CA5A: variants seen among roughly 807,000 people sequenced by gnomAD.
CA5A encodes carbonic anhydrase 5A.
Under a neutral mutation model 37.1 loss-of-function variants are expected in CA5A, and 28 were observed. The observed-to-expected ratio is 0.75, with a 90% CI of 0.56 to 1.03. The LOEUF (loss-of-function observed/expected upper bound fraction) is 1.03, where lower values mean the gene tolerates loss of function less well. CA5A is among the 50% of genes least tolerant of loss of function. The probability of loss-of-function intolerance (pLI) is 0.00; values close to 1 mark genes in which losing one functional copy is unlikely to be tolerated. For synonymous variants in CA5A, 171 were observed against 158.4 expected, an observed-to-expected ratio of 1.08 and a Z score of -0.60; for missense variants, 444 against 399.9, an observed-to-expected ratio of 1.11 and a Z score of -0.94.
chr16:87,928,083 G>A (rs1267630548), intron 1 of CA5A, among the ~76,000 whole-genome samples: 1 of 152,130 alleles, frequency 6.6e-6, no homozygotes, highest in Non-Finnish European at 1.5e-5. Context: ...CTTGCTTGGG[G>A]ATGTCACCCC....
At chr16:87,893,376 C>T (rs2055753029) in intron 5 of CA5A, 2 of 438,494 alleles carry the variant, frequency 4.6e-6, no homozygotes, top group Non-Finnish European at 9.0e-6. Context: ...ATCTGCCCAC[C>T]TCGGCCTCCC....
At chr16:87,897,953 G>C (rs2055827469) in intron 5 of CA5A, among the ~76,000 whole-genome samples, 1 of 152,226 alleles carries the variant, frequency 6.6e-6, no homozygotes, top group African/African-American at 2.4e-5. Flanking sequence ...CTCCTGACGG[G>C]AGTGGTAAAC....
intron 2 of CA5A, among the ~76,000 whole-genome samples, chr16:87,926,208 G>A (rs960027493): frequency 1.4e-5 from 2 of 146,590 alleles, no homozygotes; most frequent in African/African-American, 5.0e-5. Flanking sequence ...GACAGAGCAA[G>A]ACTCTGTCTC....
downstream of CA5A, chr16:87,886,551 C>T (rs912701662): frequency 3.3e-5 from 5 of 151,988 alleles, no homozygotes; most frequent in African/African-American, 1.2e-4. Flanking sequence ...TTCATGGTTC[C>T]CCATTTGGAT....
chr16:87,936,099 G>A (rs1476949450), intron 1 of CA5A, among the ~76,000 whole-genome samples: 1 of 151,296 alleles, frequency 6.6e-6, no homozygotes, highest in Non-Finnish European at 1.5e-5. Flanking sequence ...TTGAACCCGG[G>A]AAGTGGAGGT....
Position 87,888,215 on chromosome 16 carries a change from C to G in CA5A, c.832G>C (p.Val278Leu). The change falls in exon 7 of 7, where the codon GTG (valine) becomes CTG (leucine). Residue 278 changes from valine to leucine, a missense_variant. By Grantham distance (32) the Val-to-Leu change is conservative (BLOSUM62 1). Transcript: ENST00000649794. ...SALGEEEKMM[V>L]NNYRPLQPLM... Reference sequence around the variant, plus strand: ...GGTTGAAGTGGGCGATAGTTGTTCACCATCATCTTCTCCTCTTCACCAAGT... The same window carrying G: ...GGTTGAAGTGGGCGATAGTTGTTCAGCATCATCTTCTCCTCTTCACCAAGT... 1 of 1,613,912 alleles carries G rather than the reference C, an allele frequency of 6.2e-7. No homozygotes were observed. Among genetic ancestry groups the G allele is most frequent in the Non-Finnish European group, 8.5e-7 (1 of 1,179,862 alleles).
chr16:87,900,994 G>C (rs989766387), intron 5 of CA5A, among the ~76,000 whole-genome samples: 2 of 152,268 alleles, frequency 1.3e-5, no homozygotes, highest in East Asian at 1.9e-4. Context: ...GGGACGCCAA[G>C]GCGGGCGGAT....
In CA5A at chr16:87,901,942, C is replaced by G. The variant is rs2055884463; in HGVS notation, c.588G>C (p.Leu196=). 3.1e-6 allele frequency: 5 copies of G among 1,613,748 alleles called. No homozygotes were observed. The highest frequency in any genetic ancestry group is 4.2e-6 in the Non-Finnish European group (5 of 1,179,798). The change falls in exon 5 of 7, where the codon CTG becomes CTC. Residue 196 remains leucine, a synonymous_variant. Transcript: ENST00000649794. ...GTTTTATTTCCGGCAAGATGTCCAC[C>G]AGCCTCTGCAGCGTCTGATGATGGG... ...LGAHHQTLQR[L]VDILPEIKHK...
At chr16:87,908,675 C>T (rs1187268522) in intron 2 of CA5A, among the ~76,000 whole-genome samples, 2 of 152,202 alleles carry the variant, frequency 1.3e-5, no homozygotes, top group African/African-American at 4.8e-5. Context: ...AGCCCTGAGC[C>T]TCTGCAGGGT....
At chr16:87,901,791 T>G in intron 5 of CA5A, 121 bp downstream of exon 5, 1 of 671,874 alleles carries the variant, frequency 1.5e-6, no homozygotes. Flanking sequence ...TTCTCCATGT[T>G]GGTCAGGCTG....
At position 87,893,713 on chromosome 16, in the gene CA5A, G is replaced by A. The variant is rs1462550089; in HGVS notation, c.619-1759C>T. ...TTCCAGTTTAAAGGCAGATTTGGTC[G>A]TGGACATGGCCAGCTACCTCAGTAA... On this transcript the variant is annotated intron_variant, in intron 5 of 6. Transcript: ENST00000649794. 44 of 514,474 alleles carry A rather than the reference G, an allele frequency of 8.6e-5. 1 individual carries two copies. The highest frequency in any genetic ancestry group is 1.6e-4 in the Non-Finnish European group (42 of 264,226). 31.9% of individuals were successfully genotyped at this position (514,474 alleles called of 1,614,324 possible).
intron 3 of CA5A, 113 bp from the exon 4 acceptor site, chr16:87,902,633 G>A (rs1016056926): frequency 6.3e-5 from 43 of 684,382 alleles, no homozygotes; most frequent in African/African-American, 5.3e-4. Context: ...ATGGCCAGGC[G>A]CGGTGGCTCA....
At chr16:87,917,763 T>C (rs995693697) in intron 2 of CA5A, among the ~76,000 whole-genome samples, 3 of 96,396 alleles carry the variant, frequency 3.1e-5, no homozygotes, top group Non-Finnish European at 1.8e-5. Flanking sequence ...GTATACACAG[T>C]GCACATGTGC....
intron 6 of CA5A, among the ~76,000 whole-genome samples, chr16:87,891,468 A>C (rs1239762413): frequency 1.0e-5 from 1 of 97,676 alleles, no homozygotes; most frequent in Non-Finnish European, 2.4e-5. Context: ...ACTCTGTCTC[A>C]AAAAAAAAAA....
At chr16:87,913,352 G>C (rs942348290) in intron 2 of CA5A, among the ~76,000 whole-genome samples, 9 of 146,938 alleles carry the variant, frequency 6.1e-5, no homozygotes, top group Non-Finnish European at 1.2e-4. Flanking sequence ...ACCCAGGCTG[G>C]AGTGCAATGG....
intron 2 of CA5A, among the ~76,000 whole-genome samples, chr16:87,908,989 A>ATTTTTTTTTTTTTT (rs60201296): frequency 7.2e-6 from 1 of 139,360 alleles, no homozygotes; most frequent in African/African-American, 2.7e-5. Flanking sequence ...ACACCCGGCT[A>ATTTTTTTTTTTTTT]TTTTTTTTTT....
Position 87,926,910 on chromosome 16 carries a change from C to G in CA5A, c.178G>C (p.Gly60Arg), listed in dbSNP as rs759704571. The G allele has an allele frequency of 1.7e-5, 27 of 1,602,612 alleles. No individual in the cohort carries two copies. The East Asian group carries it at 5.9e-4, about 35-fold the overall frequency. Residue 60 changes from glycine (G) to arginine (R), a missense_variant, in exon 2 of 7, where the codon GGG (glycine) becomes CGG (arginine). Transcript: ENST00000649794. ...TTAATAGGAGACTGCCGGGTGCCCC[C>G]TGGCACGGAGACCGGGACCGTCCAG... ...PLWTVPVSVPGGTRQSPINIQ... is the reference protein window; with the variant it reads ...PLWTVPVSVPRGTRQSPINIQ...
At chr16:87,926,639 A>G in intron 2 of CA5A, 109 bp downstream of exon 2, 1 of 854,792 alleles carries the variant, frequency 1.2e-6, no homozygotes, top group Non-Finnish European at 1.9e-6. Context: ...CCAGCAGCAC[A>G]AGGAAAGCAG....
intron 5 of CA5A, chr16:87,893,408 T>TGAGC: frequency 2.1e-6 from 1 of 482,794 alleles, no homozygotes; most frequent in Non-Finnish European, 4.1e-6. Context: ...ATTACAGGCG[T>TGAGC]GAGCCACCAC....
Sources: gnomAD v4.1 joint callset for allele counts (sites outside exome capture counted in the v4.1 genomes callset) on GRCh38, gnomAD v4.1.1 for gene constraint, MANE v1.5 for transcripts, NCBI Gene and HGNC (gene_info 2026-07-23, HGNC 2026-07-21) for gene names.